STOX1: variants seen among roughly 807,000 people sequenced by gnomAD.
STOX1 encodes storkhead box 1.
A neutral mutation model predicts 74.8 loss-of-function variants in STOX1; 57 were observed. That is an observed-to-expected ratio of 0.76 (90% CI 0.62 to 0.95). STOX1 has a LOEUF of 0.95. Among genes scored for constraint, STOX1 ranks in the 40% least tolerant of loss-of-function variants. The probability of loss-of-function intolerance (pLI) is 0.00; values close to 1 mark genes in which losing one functional copy is unlikely to be tolerated. For missense variants in STOX1, 1,010 were observed against 1,117.0 expected (o/e 0.90, Z 1.37); for synonymous variants, 375 against 401.3 (o/e 0.93, Z 0.78).
At chr10:68,847,470 C>T (rs189119536) in intron 1 of STOX1, among the ~76,000 whole-genome samples, 322 of 144,980 alleles carry the variant, frequency 2.2e-3, no homozygotes, top group African/African-American at 8.2e-3. Flanking sequence ...AGTGCAATGG[C>T]ACGCTCTCAG....
intron 1 of STOX1, among the ~76,000 whole-genome samples, chr10:68,869,967 G>C (rs1840497276): frequency 2.0e-5 from 3 of 152,114 alleles, no homozygotes; most frequent in South Asian, 4.1e-4. Context: ...CAGGGTCACA[G>C]AGCAGAATCT....
chr10:68,890,202 G>A (rs1189492440), intron 3 of STOX1, among the ~76,000 whole-genome samples: 3 of 150,888 alleles, frequency 2.0e-5, no homozygotes, highest in Admixed American at 6.6e-5. Flanking sequence ...GTCTCACACT[G>A]TTGCCCAGGA....
At chr10:68,874,012 C>CTTTTTTT (rs1840613803) in intron 1 of STOX1, among the ~76,000 whole-genome samples, 1 of 11,370 alleles carries the variant, frequency 8.8e-5, no homozygotes, top group Non-Finnish European at 1.4e-4. Flanking sequence ...AGCTAGGTAG[C>CTTTTTTT]CTTTTTTTTT....
At chr10:68,842,911 G>C (rs190188340) in intron 1 of STOX1, among the ~76,000 whole-genome samples, 143 of 152,202 alleles carry the variant, frequency 9.4e-4, no homozygotes, top group Non-Finnish European at 1.6e-3. Flanking sequence ...TAAACCAAAC[G>C]AGCCTTTGAC....
intron 3 of STOX1, among the ~76,000 whole-genome samples, chr10:68,887,303 A>G (rs1840987145): frequency 6.6e-6 from 1 of 152,136 alleles, no homozygotes; most frequent in African/African-American, 2.4e-5. Context: ...TATTTTTGAG[A>G]TGGAGTTTTG....
At position 68,834,468 on chromosome 10, in the gene STOX1, C is replaced by A. The variant is rs544894268; in HGVS notation, c.310+6535C>A. 8.5e-5 allele frequency among the ~76,000 whole-genome samples: 13 copies of A among 152,310 alleles called. No individual in the cohort carries two copies. The South Asian group carries it at 2.7e-3, about 32-fold the overall frequency. ...GTCTGATTCCTATTCTGTTTTATTT[C>A]TGAAGTCCTACCTTGAATGACAGTA... On this transcript the variant is annotated intron_variant, in intron 1 of 3. Transcript: ENST00000298596.
chr10:68,848,159 A>G (rs1210633841), intron 1 of STOX1, among the ~76,000 whole-genome samples: 2 of 131,838 alleles, frequency 1.5e-5, no homozygotes, highest in African/African-American at 5.3e-5. Context: ...GGTGGGAGAT[A>G]GTGAGGGACA....
chr10:68,836,613 G>A (rs1479427368), intron 1 of STOX1, among the ~76,000 whole-genome samples: 1 of 152,206 alleles, frequency 6.6e-6, no homozygotes, highest in Non-Finnish European at 1.5e-5. Context: ...TGTCGGAGAA[G>A]GAGCCTGTAC....
At chr10:68,834,065 G>A (rs527525141) in intron 1 of STOX1, among the ~76,000 whole-genome samples, 23 of 152,280 alleles carry the variant, frequency 1.5e-4, no homozygotes, top group Admixed American at 1.2e-3. Context: ...GGAGTTCTTT[G>A]TGCTTTGGGA....
At position 68,873,626 on chromosome 10, in the gene STOX1, TTTC is replaced by T. The variant is rs758125876; in HGVS notation, c.311-8317_311-8315del. 1.2e-3 allele frequency among the ~76,000 whole-genome samples: 182 copies of T among 149,272 alleles called. 1 individual carries two copies. The highest frequency in any genetic ancestry group is 3.4e-3 in the Middle Eastern group (1 of 292). ...TCAGATAGCTAGCTAGTCCTTTTTT[TTTC>T]TTCTTCTTCTTCTTTTTTTTTCTTT... is the stretch of plus-strand genomic sequence containing the variant. On this transcript the variant is annotated intron_variant, in intron 1 of 3. Transcript: ENST00000298596.
At chr10:68,881,665 C>T (rs1840815903) in intron 1 of STOX1, among the ~76,000 whole-genome samples, 2 of 152,188 alleles carry the variant, frequency 1.3e-5, no homozygotes, top group Admixed American at 1.3e-4. Context: ...TTAAGTATTG[C>T]ATGACCTCCT....
At chr10:68,879,271 A>T (rs1840752218) in intron 1 of STOX1, among the ~76,000 whole-genome samples, 1 of 151,448 alleles carries the variant, frequency 6.6e-6, no homozygotes, top group Non-Finnish European at 1.5e-5. Flanking sequence ...TCCACCCGCC[A>T]TCCTCTCATT....
intron 3 of STOX1, among the ~76,000 whole-genome samples, chr10:68,891,555 G>A (rs1841097751): frequency 6.6e-6 from 1 of 152,156 alleles, no homozygotes; most frequent in South Asian, 2.1e-4. Flanking sequence ...TGTAATCCTA[G>A]CACTTTGGGA....
At chr10:68,880,446 G>A (rs1300857695) in intron 1 of STOX1, among the ~76,000 whole-genome samples, 2 of 152,024 alleles carry the variant, frequency 1.3e-5, no homozygotes, top group African/African-American at 4.8e-5. Context: ...TGGGATTATG[G>A]GTGTGAGCCA....
intron 1 of STOX1, among the ~76,000 whole-genome samples, chr10:68,878,136 GAT>G (rs1264162525): frequency 6.6e-6 from 1 of 152,174 alleles, no homozygotes; most frequent in Non-Finnish European, 1.5e-5. Flanking sequence ...CACAGGAAAA[GAT>G]GTTTTTAGGG....
chr10:68,841,496 A>G (rs1161707675), intron 1 of STOX1, among the ~76,000 whole-genome samples: 1 of 152,176 alleles, frequency 6.6e-6, no homozygotes, highest in African/African-American at 2.4e-5. Flanking sequence ...CCATTTTTAC[A>G]TAAATGTTAG....
chr10:68,888,380 G>T (rs1357010424), intron 3 of STOX1, among the ~76,000 whole-genome samples: 1 of 152,144 alleles, frequency 6.6e-6, no homozygotes, highest in Non-Finnish European at 1.5e-5. Context: ...GGGATTACAG[G>T]TGTGAGCCAC....
chr10:68,847,825 G>A (rs987514615), intron 1 of STOX1, among the ~76,000 whole-genome samples: 2 of 151,570 alleles, frequency 1.3e-5, no homozygotes, highest in Non-Finnish European at 2.9e-5. Context: ...TCCACCTCCT[G>A]GGTTTAAGCA....
chr10:68,852,926 CT>C (rs113926996), intron 1 of STOX1, among the ~76,000 whole-genome samples: 5,292 of 143,566 alleles, frequency 0.037, 343 homozygotes, highest in African/African-American at 0.12. Context: ...GGAAACACTT[CT>C]TTTTTTTTTT....
Sources: allele counts gnomAD v4.1 joint callset (sites outside exome capture counted in the v4.1 genomes callset), GRCh38; gene constraint gnomAD v4.1.1; transcripts MANE v1.5; gene names NCBI Gene and HGNC (gene_info 2026-07-23, HGNC 2026-07-21).